Variants in BARX1 observed in about 807,000 individuals in gnomAD.
BARX1 encodes the protein BARX homeobox 1.
In BARX1, 10 loss-of-function variants were observed where a neutral mutation model predicts 19.6. The observed-to-expected ratio is 0.51, with a 90% confidence interval of 0.31 to 0.86. The LOEUF (loss-of-function observed/expected upper bound fraction) is 0.86, where lower values mean the gene tolerates loss of function less well. Ranked by LOEUF, BARX1 falls within the 40% of genes least tolerant of loss-of-function variation. BARX1 has a pLI of 0.04. For missense variants in BARX1, 309 were observed against 360.4 expected (o/e 0.86, Z 1.15); for synonymous variants, 177 against 170.0 (o/e 1.04, Z -0.32).
Position 93,952,186 on chromosome 9 carries a change from C to G in BARX1, c.743G>C (p.Ser248Thr). Residue 248 changes from serine (S) to threonine (T), a missense_variant, in exon 4 of 4, where the codon AGC (serine) becomes ACC (threonine). Around this residue, in one of 3 missense-constraint regions of BARX1, gnomAD observed 71 missense variants for 80.4 expected, o/e 0.88. Coordinates refer to ENST00000253968, the MANE Select transcript of BARX1 (RefSeq NM_021570.4). Reference protein sequence around the residue: ...EKPAEVPGEPSDRSRED With the variant: ...EKPAEVPGEPTDRSRED Reference sequence around the variant, plus strand: ...CCCTCAGTCCTCGCGGCTCCTGTCGCTGGGCTCGCCCGGCACCTCCGCCGG... The same window carrying G: ...CCCTCAGTCCTCGCGGCTCCTGTCGGTGGGCTCGCCCGGCACCTCCGCCGG... 3 of 1,609,200 alleles carry G rather than the reference C, an allele frequency of 1.9e-6. No homozygotes were observed. Among genetic ancestry groups the G allele is most frequent in the Non-Finnish European group, 2.5e-6 (3 of 1,179,822 alleles).
At chr9:93,953,947 G>T (rs754120477) in intron 1 of BARX1, among the ~76,000 whole-genome samples, 1 of 151,468 alleles carries the variant, frequency 6.6e-6, no homozygotes, top group Non-Finnish European at 1.5e-5. Context: ...GTGGGGGGGT[G>T]CAGGGAAGGC....
chr9:93,954,999 C>T lies in BARX1; in HGVS notation c.148G>A (p.Ala50Thr). 1 of 1,399,034 alleles carries T rather than the reference C, an allele frequency of 7.1e-7. No individual in the cohort carries two copies. Among genetic ancestry groups the T allele is most frequent in the South Asian group, 1.5e-5 (1 of 66,922 alleles). 86.7% of individuals were successfully genotyped at this position (1,399,034 alleles called of 1,614,324 possible). A position where few individuals can be genotyped will look rare whatever the true frequency, so the allele number is the denominator to read the frequency against. Residue 50 changes from alanine (A) to threonine (T), a missense_variant, in exon 1 of 4, where the codon GCT becomes ACT. Ala to Thr is a moderately conservative substitution (Grantham distance 58, BLOSUM62 0). Coordinates refer to ENST00000253968, the MANE Select transcript of BARX1 (RefSeq NM_021570.4). Reference protein sequence around the residue: ...GPKGAAPAAAAAAAGELLKFG... With the variant: ...GPKGAAPAAATAAAGELLKFG... ...TTCAGCAGCTCGCCCGCCGCGGCAG[C>T]GGCGGCTGCGGGCGCGGCGCCCTTG...
rs1456235522 is a variant in BARX1, at chr9:93,952,184, C to G, written c.745G>C (p.Asp249His). 6.2e-7 allele frequency: 1 copy of G among 1,608,932 alleles called. No individual in the cohort carries two copies. The highest frequency in any genetic ancestry group is 1.1e-5 in the South Asian group (1 of 91,058). ...KPAEVPGEPS[D>H]RSRED ...CGCCCTCAGTCCTCGCGGCTCCTGT[C>G]GCTGGGCTCGCCCGGCACCTCCGCC... Residue 249 changes from aspartate (D) to histidine (H), a missense_variant, in exon 4 of 4, where the codon GAC becomes CAC. Coordinates refer to ENST00000253968, the MANE Select transcript of BARX1 (RefSeq NM_021570.4).
At chr9:93,954,648 G>A (rs1428128272) in intron 1 of BARX1, among the ~76,000 whole-genome samples, 1 of 152,238 alleles carries the variant, frequency 6.6e-6, no homozygotes, top group South Asian at 2.1e-4. Flanking sequence ...TGCTCACTCG[G>A]GGTCCCCGGG....
chr9:93,952,694 A>C (rs1563989587), intron 3 of BARX1, 35 bp downstream of exon 3: 1 of 1,598,588 alleles, frequency 6.3e-7, no homozygotes, highest in South Asian at 1.1e-5. Context: ...ATGGCCCAGG[A>C]AGCTGAGGGG....
At chr9:93,954,845 G>T (rs752223864) in intron 1 of BARX1, 79 bp downstream of exon 1, 3 of 1,037,994 alleles carry the variant, frequency 2.9e-6, no homozygotes, top group Non-Finnish European at 3.7e-6. Context: ...GATGCCGGAG[G>T]AGGCTCGGGG....
chr9:93,954,941 G>C lies in BARX1; in HGVS notation c.206C>G (p.Pro69Arg). ...FGVQALLAAR[P>R]FHSHLAVLKA... ...ACACGTACCCAGGTGGCTGTGGAAG[G>C]GCCGCGCCGCCAGCAGCGCCTGCAC... The change falls in exon 1 of 4, where the codon CCC becomes CGC. Residue 69 changes from proline (P) to arginine (R), a missense_variant. This residue lies in a region of BARX1 where 204 missense variants were observed against 206.8 expected (regional missense o/e 0.99). Transcript: ENST00000253968. 3.0e-6 allele frequency: 4 copies of C among 1,347,084 alleles called. No homozygotes were observed. The highest frequency in any genetic ancestry group is 3.8e-6 in the Non-Finnish European group (4 of 1,057,326). The allele number at this position is 1,347,084 out of a possible 1,614,324, so 83.4% of individuals were successfully genotyped here.
chr9:93,952,395 A>G (rs1222788891), intron 3 of BARX1, 67 bp from the exon 4 acceptor site: 1 of 1,552,956 alleles, frequency 6.4e-7, no homozygotes, highest in Non-Finnish European at 8.7e-7. Flanking sequence ...AGGAGACTTG[A>G]ACCCAGGTAG....
chr9:93,952,185 G>A lies in BARX1; in HGVS notation c.744C>T (p.Ser248=). The A allele has an allele frequency of 6.2e-7, 1 of 1,608,904 alleles. No homozygotes were observed. Among genetic ancestry groups the A allele is most frequent in the Non-Finnish European group, 8.5e-7 (1 of 1,179,804 alleles). ...EKPAEVPGEP[S]DRSRED Reference sequence around the variant, plus strand: ...GCCCTCAGTCCTCGCGGCTCCTGTCGCTGGGCTCGCCCGGCACCTCCGCCG... The same window carrying A: ...GCCCTCAGTCCTCGCGGCTCCTGTCACTGGGCTCGCCCGGCACCTCCGCCG... Residue 248 remains serine (S), a synonymous_variant, in exon 4 of 4, where the codon AGC becomes AGT. Coordinates refer to ENST00000253968, the MANE Select transcript of BARX1 (RefSeq NM_021570.4).
chr9:93,953,635 T>A (rs1250423212), intron 1 of BARX1, among the ~76,000 whole-genome samples: 1 of 152,252 alleles, frequency 6.6e-6, no homozygotes, highest in Admixed American at 6.5e-5. Flanking sequence ...TGCTCTTCCG[T>A]GCGTGGCACA....
At position 93,955,192 on chromosome 9, in the gene BARX1, A is replaced by G. The variant is rs1274582852; in HGVS notation, c.-46T>C. 2 of 896,520 alleles carry G rather than the reference A, an allele frequency of 2.2e-6. No homozygotes were observed. Among genetic ancestry groups the G allele is most frequent in the Non-Finnish European group, 2.7e-6 (2 of 751,664 alleles). The allele number at this position is 896,520 out of a possible 1,614,324, so 55.5% of individuals were successfully genotyped here. A position where few individuals can be genotyped will look rare whatever the true frequency, so the allele number is the denominator to read the frequency against. On this transcript the variant is annotated 5_prime_UTR_variant, in exon 1 of 4. Transcript: ENST00000253968. The surrounding 1 kb of genome is among the most constrained non-coding windows in gnomAD (Gnocchi z 4.4). ...CCGCGGTTTGGCGGCGGCGGCGGCG[A>G]CGGCTTGGCTCCGGCGCGGGGCCCG...
At chr9:93,954,104 A>G (rs1253093071) in intron 1 of BARX1, among the ~76,000 whole-genome samples, 1 of 152,180 alleles carries the variant, frequency 6.6e-6, no homozygotes, top group African/African-American at 2.4e-5. Context: ...CCGTAGGGAA[A>G]AGGTGGGAGA....
chr9:93,955,131 C>T lies in BARX1; in HGVS notation c.16G>A (p.Glu6Lys), dbSNP rs1483686725. Residue 6 changes from glutamate to lysine, a missense_variant, in exon 1 of 4, where the codon GAG becomes AAG. Glu to Lys is a moderately conservative substitution (Grantham distance 56, BLOSUM62 1). This residue lies in a region of BARX1 where 204 missense variants were observed against 206.8 expected (regional missense o/e 0.99). Transcript: ENST00000253968. The surrounding 1 kb of genome is among the most constrained non-coding windows in gnomAD (Gnocchi z 4.4). MQRPGEPGAARFGPPE... is the reference protein window; with the variant it reads MQRPGKPGAARFGPPE... ...GGGCCGAAGCGCGCGGCGCCCGGCT[C>T]CCCCGGCCGCTGCATCGCGGCGCCC... 5.9e-6 allele frequency: 7 copies of T among 1,184,388 alleles called. No individual in the cohort carries two copies. In the African/African-American group the frequency reaches 8.1e-5, roughly 14 times the overall value. The allele number at this position is 1,184,388 out of a possible 1,614,324, so 73.4% of individuals were successfully genotyped here. A position where few individuals can be genotyped will look rare whatever the true frequency, so the allele number is the denominator to read the frequency against.
rs557180708 is a variant in BARX1, at chr9:93,952,321, T to C, written c.608A>G (p.Gln203Arg). ...GGTGGGAGACTCCAGGCCGCCGCCCTGCAGCACCTGCACGGGGGACCGCCA... is the reference window on the plus strand; with the variant it reads ...GGTGGGAGACTCCAGGCCGCCGCCCCGCAGCACCTGCACGGGGGACCGCCA... ...RRMKWKKIVLQGGGLESPTKP... is the reference protein window; with the variant it reads ...RRMKWKKIVLRGGGLESPTKP... The change falls in exon 4 of 4, where the codon CAG becomes CGG. Residue 203 changes from glutamine to arginine, a missense_variant. By Grantham distance (43) the Gln-to-Arg change is conservative (BLOSUM62 1). This residue lies in a region of BARX1 where 71 missense variants were observed against 80.4 expected (regional missense o/e 0.88). Coordinates refer to ENST00000253968, the MANE Select transcript of BARX1 (RefSeq NM_021570.4). The C allele has an allele frequency of 6.2e-7, 1 of 1,607,296 alleles. No individual in the cohort carries two copies. The highest frequency in any genetic ancestry group is 1.7e-5 in the Admixed American group (1 of 59,914).
rs1563990263 is a variant in BARX1, at chr9:93,954,944, C to T, written c.203G>A (p.Arg68Gln). The T allele has an allele frequency of 1.5e-6, 2 of 1,348,158 alleles. No homozygotes were observed. The highest frequency in any genetic ancestry group is 3.2e-5 in the East Asian group (1 of 31,574). 83.5% of individuals were successfully genotyped at this position (1,348,158 alleles called of 1,614,324 possible). ...CGTACCCAGGTGGCTGTGGAAGGGC[C>T]GCGCCGCCAGCAGCGCCTGCACGCC... The part of the protein sequence containing the change: ...KFGVQALLAA[R>Q]PFHSHLAVLK... Residue 68 changes from arginine to glutamine, a missense_variant, in exon 1 of 4, where the codon CGG (arginine) becomes CAG (glutamine). Physicochemically the swap from Arg to Gln is conservative, Grantham distance 43. This residue lies in a region of BARX1 where 204 missense variants were observed against 206.8 expected (regional missense o/e 0.99). Coordinates refer to ENST00000253968, the MANE Select transcript of BARX1 (RefSeq NM_021570.4).
chr9:93,952,412 G>C (rs889608120), intron 3 of BARX1, 84 bp from the exon 4 acceptor site: 21 of 1,502,232 alleles, frequency 1.4e-5, no homozygotes, highest in Non-Finnish European at 1.8e-5. Flanking sequence ...GTAGGACTAA[G>C]GAGTGCAGGG....
chr9:93,953,239 C>A, intron 1 of BARX1, 52 bp from the exon 2 acceptor site: 1 of 1,439,554 alleles, frequency 6.9e-7, no homozygotes, highest in Non-Finnish European at 9.1e-7. Context: ...CGCTCCTCTG[C>A]CCCAGGGACT....
intron 1 of BARX1, among the ~76,000 whole-genome samples, chr9:93,953,586 G>T (rs1157784050): frequency 6.6e-6 from 1 of 152,246 alleles, no homozygotes; most frequent in Non-Finnish European, 1.5e-5. Context: ...AATCAGCCTT[G>T]CTGCGTTAGA....
chr9:93,954,649 G>A (rs1377496975), intron 1 of BARX1, among the ~76,000 whole-genome samples: 1 of 152,232 alleles, frequency 6.6e-6, no homozygotes, highest in Admixed American at 6.5e-5. Flanking sequence ...GCTCACTCGG[G>A]GTCCCCGGGC....
Sources: allele counts gnomAD v4.1 joint callset (sites outside exome capture counted in the v4.1 genomes callset), GRCh38; gene constraint gnomAD v4.1.1; regional missense constraint gnomAD v4.1.1; non-coding constraint Gnocchi (gnomAD v3.1); transcripts MANE v1.5; gene names NCBI Gene and HGNC (gene_info 2026-07-23, HGNC 2026-07-21).